Variants in TSBP1 observed in about 807,000 individuals in gnomAD.
The protein encoded by TSBP1 is testis expressed basic protein 1, also known as testis-expressed basic protein 1.
A neutral mutation model predicts 68.8 loss-of-function variants in TSBP1; 56 were observed. The observed-to-expected ratio is 0.81, with a 90% CI of 0.66 to 1.02. The LOEUF (loss-of-function observed/expected upper bound fraction) is 1.02. Ranked by LOEUF, TSBP1 falls within the 50% of genes least tolerant of loss-of-function variation. The pLI is 0.00. For synonymous variants in TSBP1, 171 were observed against 208.7 expected (o/e 0.82, Z 1.56); for missense variants, 502 against 641.2 (o/e 0.78, Z 2.34).
Position 32,325,260 on chromosome 6 carries a change from G to A in TSBP1, c.515-1646C>T, listed in dbSNP as rs371354341. ...CTCCTAAAGAGCCAGAACAACTGAG[G>A]AAGCTCTTCATTGGAGGGTTGAGCT... On this transcript the variant is annotated intron_variant, in intron 16 of 22. Coordinates refer to ENST00000612031, the Ensembl canonical transcript of TSBP1. The surrounding 1 kb of genome is among the most constrained non-coding windows in gnomAD (Gnocchi z 4.4). 8.6e-6 allele frequency: 11 copies of A among 1,278,682 alleles called. No homozygotes were observed. In the African/African-American group the frequency reaches 9.0e-5, roughly 10 times the overall value. 79.2% of individuals were successfully genotyped at this position (1,278,682 alleles called of 1,614,324 possible).
intron 14 of TSBP1, among the ~76,000 whole-genome samples, chr6:32,332,281 A>T (rs1769121574): frequency 6.6e-6 from 1 of 152,212 alleles, no homozygotes; most frequent in Admixed American, 6.5e-5. Flanking sequence ...AGGTTTTTAT[A>T]GGATCCTTGC....
chr6:32,310,744 C>CAT (rs1554188789), intron 19 of TSBP1, among the ~76,000 whole-genome samples: 14,599 of 131,850 alleles, frequency 0.11, 1,111 homozygotes, highest in African/African-American at 0.23. Context: ...AATATATATA[C>CAT]ATATATATAT....
intron 14 of TSBP1, among the ~76,000 whole-genome samples, chr6:32,334,925 T>G (rs2127603671): frequency 6.6e-6 from 1 of 152,206 alleles, no homozygotes; most frequent in Admixed American, 6.5e-5. Flanking sequence ...TCCCAGCTAC[T>G]CGGTAGGCTA....
At chr6:32,358,486 A>G (rs186753853) in intron 6 of TSBP1, among the ~76,000 whole-genome samples, 1,948 of 152,138 alleles carry the variant, frequency 0.013, 31 homozygotes, top group African/African-American at 0.03. Flanking sequence ...ACATATGTAT[A>G]CATGTGCCAT....
chr6:32,320,680 T>C (rs188176251), intron 18 of TSBP1, among the ~76,000 whole-genome samples: 6 of 152,332 alleles, frequency 3.9e-5, no homozygotes, highest in Admixed American at 3.9e-4. Flanking sequence ...TTTATAGATA[T>C]TGCCAGGTAA....
chr6:32,344,605 C>T (rs1482752764), intron 9 of TSBP1, among the ~76,000 whole-genome samples: 4 of 152,026 alleles, frequency 2.6e-5, no homozygotes, highest in Admixed American at 6.6e-5. Flanking sequence ...AGCGTTAATC[C>T]CCCTTTGAAA....
Position 32,335,355 on chromosome 6 carries a change from G to T in TSBP1, c.472+82C>A. 7.6e-7 allele frequency: 1 copy of T among 1,321,754 alleles called. No homozygotes were observed. Among genetic ancestry groups the T allele is most frequent in the South Asian group, 1.6e-5 (1 of 63,608 alleles). 81.9% of individuals were successfully genotyped at this position (1,321,754 alleles called of 1,614,324 possible). A position where few individuals can be genotyped will look rare whatever the true frequency, so the allele number is the denominator to read the frequency against. ...AAGGACTTGATCCTTGAGTCCTTGG[G>T]CATGAATAATTGAAATAAAAATAGA... On this transcript the variant is annotated intron_variant, in intron 14 of 22. Coordinates refer to ENST00000612031, the Ensembl canonical transcript of TSBP1. This position sits in a 1 kb window ranked among gnomAD's most constrained non-coding sequence, Gnocchi z 5.5.
rs968594438 is a variant in TSBP1, at chr6:32,340,432, T to C, written c.350-794A>G. Among the ~76,000 whole-genome samples the C allele has an allele frequency of 1.3e-4, 20 of 152,178 alleles. No individual in the cohort carries two copies. Among genetic ancestry groups the C allele is most frequent in the African/African-American group, 4.3e-4 (18 of 41,438 alleles). On this transcript the variant is annotated intron_variant, in intron 9 of 22. Coordinates refer to ENST00000612031, the Ensembl canonical transcript of TSBP1. The surrounding 1 kb of genome is among the most constrained non-coding windows in gnomAD (Gnocchi z 4.8). ...GGGAAGAGATGTCTGTTTTTCTATG[T>C]GGTATTTTAGGCCGTCAATCACTGA...
intron 6 of TSBP1, among the ~76,000 whole-genome samples, chr6:32,358,650 T>G (rs191615730): frequency 1.3e-5 from 2 of 151,784 alleles, no homozygotes; most frequent in Non-Finnish European, 1.5e-5. Flanking sequence ...CACCTGTGAG[T>G]GAGAACATGA....
chr6:32,314,239 T>C lies in TSBP1; in HGVS notation c.580+1533A>G, dbSNP rs1399653673. On this transcript the variant is annotated intron_variant, in intron 19 of 22. Coordinates refer to ENST00000612031, the Ensembl canonical transcript of TSBP1. This position sits in a 1 kb window ranked among gnomAD's most constrained non-coding sequence, Gnocchi z 4.2. ...TTAGCCAGCCAAAAATGAGGTGTTA[T>C]AAACCCTAGTTACTTTGGCATTCCT... Among the ~76,000 whole-genome samples, 3 of 152,192 alleles carry C rather than the reference T, an allele frequency of 2.0e-5. No individual in the cohort carries two copies. The highest frequency in any genetic ancestry group is 4.4e-5 in the Non-Finnish European group (3 of 68,030).
chr6:32,321,335 G>T lies in TSBP1; in HGVS notation c.559+1782C>A, dbSNP rs1251353836. On this transcript the variant is annotated intron_variant, in intron 18 of 22. Transcript: ENST00000612031. This position sits in a 1 kb window ranked among gnomAD's most constrained non-coding sequence, Gnocchi z 4.3. ...ATCCAAGACCCTATATATCTATTGGGTCTTGGATTTTTACATCTTTTTCCT... is the reference window on the plus strand; with the variant it reads ...ATCCAAGACCCTATATATCTATTGGTTCTTGGATTTTTACATCTTTTTCCT... Among the ~76,000 whole-genome samples, 4 of 152,052 alleles carry T rather than the reference G, an allele frequency of 2.6e-5. No individual in the cohort carries two copies. The highest frequency in any genetic ancestry group is 4.4e-5 in the Non-Finnish European group (3 of 67,992).
intron 9 of TSBP1, among the ~76,000 whole-genome samples, chr6:32,348,535 T>C (rs969892): frequency 0.25 from 34,546 of 140,150 alleles, 4,380 homozygotes; most frequent in African/African-American, 0.31. Flanking sequence ...AATATATTTT[T>C]AACATATGCA....
chr6:32,305,749 G>A (rs554945233), intron 19 of TSBP1, among the ~76,000 whole-genome samples: 3 of 152,354 alleles, frequency 2.0e-5, no homozygotes, highest in African/African-American at 4.8e-5. Context: ...TCCTGCCTTG[G>A]CCTTCCAAAG....
chr6:32,362,756 G>A (rs1180068105), intron 6 of TSBP1, among the ~76,000 whole-genome samples: 1 of 152,196 alleles, frequency 6.6e-6, no homozygotes, highest in East Asian at 1.9e-4. Context: ...TATTATAGGA[G>A]TTTTATAGTG....
intron 8 of TSBP1, among the ~76,000 whole-genome samples, chr6:32,353,304 A>G (rs1771910699): frequency 6.6e-6 from 1 of 152,024 alleles, no homozygotes; most frequent in Admixed American, 6.6e-5. Flanking sequence ...TCCAACAATA[A>G]TTATTTGTAA....
intron 20 of TSBP1, among the ~76,000 whole-genome samples, chr6:32,300,959 A>G (rs1765224134): frequency 6.6e-6 from 1 of 152,240 alleles, no homozygotes. Flanking sequence ...TACAATTTAT[A>G]AAATATAGGA....
At chr6:32,368,987 CTA>C (rs947531820) in intron 2 of TSBP1, among the ~76,000 whole-genome samples, 173 bp from the exon 3 acceptor site, 2 of 152,056 alleles carry the variant, frequency 1.3e-5, no homozygotes, top group African/African-American at 2.4e-5. Context: ...CCTGTTTTAC[CTA>C]TCTTTTCACA....
At chr6:32,366,007 C>A in intron 6 of TSBP1, 160 bp downstream of exon 6, 4 of 1,120,016 alleles carry the variant, frequency 3.6e-6, no homozygotes, top group Non-Finnish European at 3.9e-6. Flanking sequence ...TGCCTCATAG[C>A]GTGATGGTGA....
chr6:32,300,696 G>T, exon 21 of TSBP1: 1 of 1,612,524 alleles, frequency 6.2e-7, no homozygotes, highest in Non-Finnish European at 8.5e-7. Context: ...TTCCAGAACT[G>T]TCCACTGAAA....
Sources: allele counts gnomAD v4.1 joint callset (sites outside exome capture counted in the v4.1 genomes callset), GRCh38; gene constraint gnomAD v4.1.1; non-coding constraint Gnocchi (gnomAD v3.1); transcripts MANE v1.5; gene names NCBI Gene and HGNC (gene_info 2026-07-23, HGNC 2026-07-21).